Variants in FHOD3 observed in about 807,000 individuals in gnomAD.
The protein encoded by FHOD3 is formin homology 2 domain containing 3, also known as FH1/FH2 domain-containing protein 3.
In FHOD3, 90 loss-of-function variants were observed where a neutral mutation model predicts 173.0. The observed-to-expected ratio is 0.52, with a 90% CI of 0.44 to 0.62. The LOEUF is 0.62. Ranked by LOEUF, FHOD3 falls within the 20% of genes least tolerant of loss-of-function variation. FHOD3 has a pLI of 0.00. For synonymous variants in FHOD3, 828 were observed against 823.0 expected (o/e 1.01, Z -0.10); for missense variants, 1,945 against 2,034.7 (o/e 0.96, Z 0.85).
At chr18:36,483,799 C>T (rs975016796) in intron 3 of FHOD3, among the ~76,000 whole-genome samples, 4 of 152,174 alleles carry the variant, frequency 2.6e-5, no homozygotes, top group African/African-American at 9.7e-5. Context: ...TTAATGAGCC[C>T]TCTGGAGCAG....
At chr18:36,491,923 A>T (rs2054494976) in intron 3 of FHOD3, among the ~76,000 whole-genome samples, 1 of 152,196 alleles carries the variant, frequency 6.6e-6, no homozygotes, top group African/African-American at 2.4e-5. Flanking sequence ...TTTAGCCATT[A>T]TGAATATGGA....
intron 1 of FHOD3, among the ~76,000 whole-genome samples, chr18:36,324,479 C>G (rs1414933110): frequency 6.6e-6 from 1 of 152,112 alleles, no homozygotes; most frequent in African/African-American, 2.4e-5. Context: ...TGTTATCTCT[C>G]TTTGTGTGTG....
At chr18:36,304,688 TC>T (rs1438869640) in intron 1 of FHOD3, among the ~76,000 whole-genome samples, 1 of 152,196 alleles carries the variant, frequency 6.6e-6, no homozygotes, top group African/African-American at 2.4e-5. Flanking sequence ...CTCAATCAAT[TC>T]CCATGATGAA....
Position 36,496,229 on chromosome 18 carries a change from G to T in FHOD3, c.338-5703G>T, listed in dbSNP as rs1568348213. ...AAGGAACCCAGGCCCTGGGCTGTGG[G>T]AGGAAGTGCTTCTCCTTTGGTCTGT... On this transcript the variant is annotated intron_variant, in intron 3 of 28. Coordinates refer to ENST00000590592, the MANE Select transcript of FHOD3 (RefSeq NM_001281740.3). 1.3e-5 allele frequency among the ~76,000 whole-genome samples: 2 copies of T among 152,200 alleles called. 1 individual carries two copies. Among genetic ancestry groups the T allele is most frequent in the South Asian group, 4.1e-4 (2 of 4,832 alleles).
At chr18:36,515,196 T>C (rs2055897203) in intron 5 of FHOD3, among the ~76,000 whole-genome samples, 1 of 152,170 alleles carries the variant, frequency 6.6e-6, no homozygotes, top group African/African-American at 2.4e-5. Flanking sequence ...ATATTTACCA[T>C]GAAGCTTACA....
intron 3 of FHOD3, among the ~76,000 whole-genome samples, chr18:36,448,950 C>A (rs749707878): frequency 6.6e-6 from 1 of 151,704 alleles, no homozygotes; most frequent in African/African-American, 2.4e-5. Flanking sequence ...GTTACCCTTT[C>A]CTCCCCCTCC....
At chr18:36,625,773 GA>G (rs1402398073) in intron 10 of FHOD3, 24 bp downstream of exon 10, 3 of 1,572,974 alleles carry the variant, frequency 1.9e-6, no homozygotes, top group African/African-American at 2.7e-5. Context: ...TGGCAGTGGA[GA>G]GGGGTGCAAG....
chr18:36,451,090 G>A (rs533259773), intron 3 of FHOD3, among the ~76,000 whole-genome samples: 150 of 152,122 alleles, frequency 9.9e-4, no homozygotes, highest in Non-Finnish European at 1.8e-3. Flanking sequence ...TATTTGCATT[G>A]TTAATTTTCT....
intron 6 of FHOD3, among the ~76,000 whole-genome samples, chr18:36,589,698 G>T (rs935720834): frequency 6.6e-6 from 1 of 152,184 alleles, no homozygotes; most frequent in Admixed American, 6.5e-5. Context: ...AAGTGGCCGT[G>T]CAGAGCCTCC....
intron 1 of FHOD3, among the ~76,000 whole-genome samples, chr18:36,341,695 C>T (rs2045632395): frequency 6.6e-6 from 1 of 152,168 alleles, no homozygotes; most frequent in Non-Finnish European, 1.5e-5. Flanking sequence ...GCTAACCACA[C>T]ACATAATAGG....
chr18:36,397,355 C>T (rs1187517873), intron 3 of FHOD3, among the ~76,000 whole-genome samples: 2 of 152,102 alleles, frequency 1.3e-5, no homozygotes, highest in South Asian at 2.1e-4. Context: ...TGTCCTTCTA[C>T]CCTTTTATTT....
At chr18:36,560,522 C>T (rs1017115323) in intron 5 of FHOD3, among the ~76,000 whole-genome samples, 19 of 152,188 alleles carry the variant, frequency 1.2e-4, no homozygotes, top group African/African-American at 4.3e-4. Flanking sequence ...TGTGGAGTAA[C>T]GGGTCTGATC....
At position 36,717,796 on chromosome 18, in the gene FHOD3, G is replaced by A. The variant is rs749061813; in HGVS notation, c.2534-36G>A. 6 of 1,527,300 alleles carry A rather than the reference G, an allele frequency of 3.9e-6. No homozygotes were observed. The Admixed American group carries it at 1.0e-4, about 27-fold the overall frequency. 94.6% of individuals were successfully genotyped at this position (1,527,300 alleles called of 1,614,324 possible). On this transcript the variant is annotated intron_variant, in intron 18 of 28. Transcript: ENST00000590592. ...TCTCTCATGGAAGTGAGGCCCCCTT[G>A]CCCCTTTCTCATTTTTCTCTCCCAT...
intron 6 of FHOD3, among the ~76,000 whole-genome samples, chr18:36,582,760 T>A (rs1304573857): frequency 6.6e-6 from 1 of 152,240 alleles, no homozygotes; most frequent in Admixed American, 6.5e-5. Context: ...TGGGATGCGA[T>A]GTCATTCTTC....
chr18:36,632,845 G>T (rs1174599777), intron 10 of FHOD3, among the ~76,000 whole-genome samples: 2 of 152,182 alleles, frequency 1.3e-5, no homozygotes, highest in Non-Finnish European at 2.9e-5. Context: ...GCAAAAGACA[G>T]ACCAAGACAA....
chr18:36,707,502 C>T (rs974397381), intron 17 of FHOD3, among the ~76,000 whole-genome samples: 2 of 152,256 alleles, frequency 1.3e-5, no homozygotes, highest in Non-Finnish European at 2.9e-5. Flanking sequence ...TGCTCCACTG[C>T]ATCTTCCCTG....
At chr18:36,466,447 T>A (rs1198985839) in intron 3 of FHOD3, among the ~76,000 whole-genome samples, 1 of 152,034 alleles carries the variant, frequency 6.6e-6, no homozygotes, top group Non-Finnish European at 1.5e-5. Flanking sequence ...AAGGCAGGGG[T>A]ATATTTTAGG....
chr18:36,382,797 C>G (rs1053582624), intron 3 of FHOD3, among the ~76,000 whole-genome samples: 1 of 60,638 alleles, frequency 1.6e-5, no homozygotes, highest in Non-Finnish European at 2.5e-5. Context: ...AAGACTGTCT[C>G]TATATTTTGA....
chr18:36,428,710 T>G (rs1250964762), intron 3 of FHOD3, among the ~76,000 whole-genome samples: 1 of 152,218 alleles, frequency 6.6e-6, no homozygotes, highest in African/African-American at 2.4e-5. Context: ...AAGAATTTAT[T>G]GCTCTTTGAA....
Sources: allele counts gnomAD v4.1 joint callset (sites outside exome capture counted in the v4.1 genomes callset), GRCh38; gene constraint gnomAD v4.1.1; transcripts MANE v1.5; gene names NCBI Gene and HGNC (gene_info 2026-07-23, HGNC 2026-07-21).